The following DMD variants were observed in gnomAD, a reference collection of about 807,000 sequenced individuals.
DMD encodes dystrophin.
DMD carries 63 observed loss-of-function variants against 330.1 expected under a neutral mutation model. That is an observed-to-expected ratio of 0.19 (90% CI 0.16 to 0.24). The LOEUF (loss-of-function observed/expected upper bound fraction) is 0.24, where lower values mean the gene tolerates loss of function less well. Among genes scored for constraint, DMD ranks in the 10% least tolerant of loss-of-function variants. DMD has a pLI of 1.00. For missense variants in DMD, 3,344 were observed against 2,684.1 expected, an observed-to-expected ratio of 1.25 and a Z score of -5.43; for synonymous variants, 1,223 against 959.8, an observed-to-expected ratio of 1.27 and a Z score of -5.07.
At chrX:32,567,217 C>A (rs67261601) in intron 15 of DMD, among the ~76,000 whole-genome samples, 11,237 of 111,484 alleles carry the variant, frequency 0.1, 1,375 homozygotes, top group African/African-American at 0.35. Context: ...AGTCTTCATG[C>A]CATTTTTAAG....
At chrX:31,782,541 C>T (rs1385842893) in intron 50 of DMD, among the ~76,000 whole-genome samples, 1 of 109,313 alleles carries the variant, frequency 9.1e-6, no homozygotes, top group Non-Finnish European at 1.9e-5. Flanking sequence ...CTGAGTCTAG[C>T]AAAAGAATCG....
intron 1 of DMD, among the ~76,000 whole-genome samples, chrX:33,283,673 A>G (rs1234294365): frequency 1.8e-5 from 2 of 111,449 alleles, no homozygotes; most frequent in Non-Finnish European, 3.8e-5. Flanking sequence ...AATTTACAGA[A>G]ATATATAAAA....
At chrX:31,377,748 CCA>C (rs1457100809) in intron 60 of DMD, among the ~76,000 whole-genome samples, 5 of 111,873 alleles carry the variant, frequency 4.5e-5, no homozygotes. Flanking sequence ...CCAAGCTAAG[CCA>C]TCATATCCCC....
chrX:31,487,941 G>C (rs1339378986), intron 57 of DMD, among the ~76,000 whole-genome samples: 1 of 111,268 alleles, frequency 9.0e-6, no homozygotes, highest in Non-Finnish European at 1.9e-5. Flanking sequence ...AAACATTTTT[G>C]AGTGTATAAG....
chrX:33,136,879 C>T (rs1453403999), intron 1 of DMD, among the ~76,000 whole-genome samples: 1 of 110,358 alleles, frequency 9.1e-6, no homozygotes, highest in Non-Finnish European at 1.9e-5. Context: ...CGAAGAATTA[C>T]CATCATTATA....
intron 60 of DMD, among the ~76,000 whole-genome samples, chrX:31,439,538 T>C (rs1027103159): frequency 7.1e-5 from 8 of 112,229 alleles, no homozygotes; most frequent in African/African-American, 2.6e-4. Flanking sequence ...ATACTGTTCT[T>C]TGACATATGT....
At chrX:32,264,710 G>C (rs2097337165) in intron 43 of DMD, among the ~76,000 whole-genome samples, 1 of 111,740 alleles carries the variant, frequency 8.9e-6, no homozygotes, top group African/African-American at 3.3e-5. Flanking sequence ...CTGTAGTAAA[G>C]GTCACTTTTG....
At chrX:31,626,098 C>T (rs1456866683) in intron 55 of DMD, among the ~76,000 whole-genome samples, 1 of 110,776 alleles carries the variant, frequency 9.0e-6, no homozygotes, top group Non-Finnish European at 1.9e-5. Flanking sequence ...GATTCTCCCA[C>T]CTCAGCCTCC....
At chrX:33,000,186 A>C (rs1209497631) in intron 2 of DMD, among the ~76,000 whole-genome samples, 1 of 111,742 alleles carries the variant, frequency 8.9e-6, no homozygotes, top group Non-Finnish European at 1.9e-5. Flanking sequence ...AACATACTTT[A>C]GTTTACATAA....
intron 7 of DMD, among the ~76,000 whole-genome samples, chrX:32,721,668 C>T (rs2066331262): frequency 9.0e-6 from 1 of 110,744 alleles, no homozygotes; most frequent in African/African-American, 3.3e-5. Context: ...TTTTCTTTTG[C>T]TTTCCAGAAG....
chrX:31,355,864 A>AAAT (rs1014273684), intron 60 of DMD, among the ~76,000 whole-genome samples: 1 of 98,105 alleles, frequency 1.0e-5, no homozygotes, highest in Non-Finnish European at 2.1e-5. Flanking sequence ...GTAACTGAAA[A>AAAT]AATAATAAAA....
intron 29 of DMD, among the ~76,000 whole-genome samples, chrX:32,415,252 C>T (rs2098161875): frequency 9.0e-6 from 1 of 111,515 alleles, no homozygotes; most frequent in African/African-American, 3.3e-5. Flanking sequence ...AGAAACCTAA[C>T]TTTTTCTATT....
chrX:33,123,563 C>G (rs760310941), intron 1 of DMD, among the ~76,000 whole-genome samples: 1 of 109,578 alleles, frequency 9.1e-6, no homozygotes, highest in Non-Finnish European at 1.9e-5. Flanking sequence ...ATTTCAGGAA[C>G]CTGCCACCAC....
At position 31,964,596 on chromosome X, in the gene DMD, AGTGTGT is replaced by A. The variant is rs59973399; in HGVS notation, c.6614+3737_6614+3742del. ...TAACTTATTTGCAAAAATGTTAAAA[AGTGTGT>A]GTGTGTGTGTGTGTGTGTGTGTGTG... On this transcript the variant is annotated intron_variant, in intron 45 of 78. Coordinates refer to ENST00000357033, the MANE Select transcript of DMD (RefSeq NM_004006.3). Among the ~76,000 whole-genome samples, 17 of 99,624 alleles carry A rather than the reference AGTGTGT, an allele frequency of 1.7e-4. No individual in the cohort carries two copies. The East Asian group carries it at 3.7e-3, about 22-fold the overall frequency. 86.5% of individuals were successfully genotyped at this position (99,624 alleles called of 115,157 possible).
At chrX:33,310,508 A>T (rs182276208) in intron 1 of DMD, among the ~76,000 whole-genome samples, 1,299 of 111,528 alleles carry the variant, frequency 0.012, 26 homozygotes, top group African/African-American at 0.04. Flanking sequence ...CATTGAACCA[A>T]TTATTAAATG....
Position 32,710,632 on chromosome X carries a change from T to A in DMD, c.650-11339A>T, listed in dbSNP as rs377143848. 5.4e-5 allele frequency among the ~76,000 whole-genome samples: 6 copies of A among 111,115 alleles called. No individual in the cohort carries two copies. In the East Asian group the frequency reaches 1.7e-3, roughly 31 times the overall value. On this transcript the variant is annotated intron_variant, in intron 7 of 78. Transcript: ENST00000357033. ...TACACACTACAAAATAGCACCGTGC[T>A]TTACAAAAACGTATTTTCAAAAATA...
chrX:31,181,381 C>T (rs1253210371), intron 68 of DMD, among the ~76,000 whole-genome samples: 1 of 111,454 alleles, frequency 9.0e-6, no homozygotes, highest in Non-Finnish European at 1.9e-5. Context: ...ATGATAAGGG[C>T]AAAAGAATTG....
chrX:32,013,106 T>TTTTTTTTTTTTA (rs2095727782), intron 44 of DMD, among the ~76,000 whole-genome samples: 2 of 96,942 alleles, frequency 2.1e-5, no homozygotes, highest in Admixed American at 1.2e-4. Flanking sequence ...TTTTTTTTTT[T>TTTTTTTTTTTTA]GAGATGGAAT....
chrX:32,285,944 C>A (rs2097439264), intron 43 of DMD, among the ~76,000 whole-genome samples: 1 of 111,007 alleles, frequency 9.0e-6, no homozygotes, highest in South Asian at 3.8e-4. Flanking sequence ...AAATGATGTG[C>A]CCGCCTTGGA....
Sources: allele counts gnomAD v4.1 joint callset (sites outside exome capture counted in the v4.1 genomes callset), GRCh38; gene constraint gnomAD v4.1.1; transcripts MANE v1.5; gene names NCBI Gene and HGNC (gene_info 2026-07-23, HGNC 2026-07-21).